Variants in RBM42 observed in about 807,000 individuals in gnomAD.
The protein encoded by RBM42 is RNA-binding protein 42.
RBM42 carries 21 observed loss-of-function variants against 41.4 expected under a neutral mutation model. The observed-to-expected ratio is 0.51, with a 90% CI of 0.36 to 0.73. The LOEUF is 0.73. Ranked by LOEUF, RBM42 falls within the 30% of genes least tolerant of loss-of-function variation. The pLI is 0.00. For synonymous variants in RBM42, 272 were observed against 271.2 expected, an observed-to-expected ratio of 1.00 and a Z score of -0.03; for missense variants, 539 against 680.4, an observed-to-expected ratio of 0.79 and a Z score of 2.31.
At position 35,629,152 on chromosome 19, in the gene RBM42, C is replaced by G. The variant is rs535749373; in HGVS notation, c.-2C>G. 2 of 1,521,644 alleles carry G rather than the reference C, an allele frequency of 1.3e-6. No homozygotes were observed. Among genetic ancestry groups the G allele is most frequent in the East Asian group, 5.0e-5 (2 of 40,300 alleles). The allele number at this position is 1,521,644 out of a possible 1,614,324, so 94.3% of individuals were successfully genotyped here. ...GTAGCGGCGACAGCGACGACGGCAG[C>G]GATGGCTGGGGCGGGGCCAGCCCCG... is the stretch of plus-strand genomic sequence containing the variant. On this transcript the variant is annotated 5_prime_UTR_variant, in exon 1 of 10. Coordinates refer to ENST00000262633, the MANE Select transcript of RBM42 (RefSeq NM_024321.5).
Position 35,637,504 on chromosome 19 carries a change from G to A in RBM42, c.1393G>A (p.Asp465Asn). Residue 465 changes from aspartate (D) to asparagine (N), a missense_variant, in exon 10 of 10, where the codon GAC becomes AAC. Transcript: ENST00000262633. The surrounding 1 kb of genome is among the most constrained non-coding windows in gnomAD (Gnocchi z 7.0). ...RKSMWKDRNLDVVRKKQKEKK... is the reference protein window; with the variant it reads ...RKSMWKDRNLNVVRKKQKEKK... ...GAGCATGTGGAAGGACCGGAATCTG[G>A]ACGTGGTCCGCAAGAAGCAGAAGGA... 6.2e-7 allele frequency: 1 copy of A among 1,614,268 alleles called. No homozygotes were observed. The highest frequency in any genetic ancestry group is 8.5e-7 in the Non-Finnish European group (1 of 1,180,054).
intron 8 of RBM42, among the ~76,000 whole-genome samples, 184 bp from the exon 9 acceptor site, chr19:35,636,974 A>C (rs4805133): frequency 1.3e-5 from 2 of 151,972 alleles, no homozygotes; most frequent in Admixed American, 1.3e-4. Context: ...GGAGTGCCAG[A>C]AATGGAAACA....
chr19:35,637,549 AGAT>A lies in RBM42; in HGVS notation c.1439_1441del (p.Arg480_Ter481delinsLys). The A allele has an allele frequency of 1.9e-6, 3 of 1,614,004 alleles. No homozygotes were observed. The highest frequency in any genetic ancestry group is 2.5e-6 in the Non-Finnish European group (3 of 1,179,898). ...GAAGGAAAAGAAGAAGCTGGGCCTG[AGAT>A]AGGGTCTGTGGCCAGGCACCCGCTC... On this transcript the variant is annotated stop_lost and inframe_deletion, in exon 10 of 10. Transcript: ENST00000262633. This position sits in a 1 kb window ranked among gnomAD's most constrained non-coding sequence, Gnocchi z 7.0.
intron 2 of RBM42, 138 bp from the exon 3 acceptor site, chr19:35,631,002 T>G: frequency 1.4e-5 from 10 of 709,986 alleles, no homozygotes; most frequent in South Asian, 3.5e-5. Flanking sequence ...CCCCGAGAAG[T>G]GGCATTTTAG....
At chr19:35,634,656 AT>A (rs74276917) in intron 8 of RBM42, among the ~76,000 whole-genome samples, 3,543 of 139,702 alleles carry the variant, frequency 0.025, 43 homozygotes, top group South Asian at 0.045. Context: ...TAGGATAAAA[AT>A]TTTTTTTTTT....
chr19:35,631,436 A>T, intron 4 of RBM42, 31 bp downstream of exon 4: 1 of 1,601,524 alleles, frequency 6.2e-7, no homozygotes, highest in Non-Finnish European at 8.6e-7. Flanking sequence ...CCCCACATTT[A>T]ATCAGGCACT....
Position 35,631,238 on chromosome 19 carries a change from A to G in RBM42, c.367+14A>G. ...TTGTAGGCCCTGGTAAGTAAAGAGTAGCAAGGTGAGGGGGTTGGGCAATCA... is the reference window on the plus strand; with the variant it reads ...TTGTAGGCCCTGGTAAGTAAAGAGTGGCAAGGTGAGGGGGTTGGGCAATCA... On this transcript the variant is annotated intron_variant, in intron 3 of 9. Transcript: ENST00000262633. 6.2e-7 allele frequency: 1 copy of G among 1,613,698 alleles called. No homozygotes were observed. The highest frequency in any genetic ancestry group is 8.5e-7 in the Non-Finnish European group (1 of 1,179,664).
intron 2 of RBM42, among the ~76,000 whole-genome samples, chr19:35,630,024 A>G (rs894506309): frequency 1.3e-5 from 2 of 152,238 alleles, no homozygotes; most frequent in African/African-American, 4.8e-5. Context: ...TAAGATGAAA[A>G]TAGGCTGGGC....
chr19:35,633,113 C>T lies in RBM42; in HGVS notation c.545C>T (p.Pro182Leu). 6.2e-7 allele frequency: 1 copy of T among 1,610,904 alleles called. No homozygotes were observed. The highest frequency in any genetic ancestry group is 8.5e-7 in the Non-Finnish European group (1 of 1,177,096). ...TCCTCTGCAGCAGCCGGCCCCCGCC[C>T]TATGGCCCTACGGCCCCCTCACCAG... ...ALSSAAAGPR[P>L]MALRPPHQAL... is the part of the protein sequence containing the mutation. Residue 182 changes from proline to leucine, a missense_variant, in exon 6 of 10, where the codon CCT becomes CTT. Around this residue, in one of 2 missense-constraint regions of RBM42, gnomAD observed 429 missense variants for 488.9 expected, o/e 0.88. Transcript: ENST00000262633.
At chr19:35,634,651 T>A (rs887254656) in intron 8 of RBM42, among the ~76,000 whole-genome samples, 1 of 150,450 alleles carries the variant, frequency 6.6e-6, no homozygotes, top group Non-Finnish European at 1.5e-5. Context: ...ACTCTTAGGA[T>A]AAAAATTTTT....
At chr19:35,632,065 AG>A (rs1204178175) in intron 4 of RBM42, among the ~76,000 whole-genome samples, 1 of 152,198 alleles carries the variant, frequency 6.6e-6, no homozygotes, top group Non-Finnish European at 1.5e-5. Flanking sequence ...ATGTATGAAA[AG>A]GATGCGTGTT....
chr19:35,633,199 G>T lies in RBM42; in HGVS notation c.631G>T (p.Ala211Ser), dbSNP rs1352773997. 6.2e-7 allele frequency: 1 copy of T among 1,611,966 alleles called. No individual in the cohort carries two copies. The highest frequency in any genetic ancestry group is 1.7e-5 in the Admixed American group (1 of 59,744). The part of the protein sequence containing the change: ...PGPPMMLPPM[A>S]RAPGPPLGSM... ...ACCACCCATGATGCTGCCACCAATG[G>T]CTCGGGCTCCAGGGCCCCCGCTGGG... Residue 211 changes from alanine (A) to serine (S), a missense_variant, in exon 6 of 10, where the codon GCT (alanine) becomes TCT (serine). By Grantham distance (99) the Ala-to-Ser change is moderately conservative. Transcript: ENST00000262633.
At chr19:35,634,976 G>A (rs957505798) in intron 8 of RBM42, among the ~76,000 whole-genome samples, 4 of 151,974 alleles carry the variant, frequency 2.6e-5, no homozygotes, top group Admixed American at 6.6e-5. Flanking sequence ...CAAGTTATAA[G>A]TGAATTAATC....
rs1177489624 is a variant in RBM42, at chr19:35,631,159, C to A, written c.302C>A (p.Ala101Asp). 6.2e-7 allele frequency: 1 copy of A among 1,614,146 alleles called. No homozygotes were observed. Among genetic ancestry groups the A allele is most frequent in the Admixed American group, 1.7e-5 (1 of 60,022 alleles). The change falls in exon 3 of 10, where the codon GCC becomes GAC. Residue 101 changes from alanine to aspartate, a missense_variant. Coordinates refer to ENST00000262633, the MANE Select transcript of RBM42 (RefSeq NM_024321.5). ...CGACAGGTCCAGCAGACTCTGGAGG[C>A]CCGAGCAGCTGCTGCAGCCACAGTA... ...TYQQVQQTLE[A>D]RAAAAATVVP...
chr19:35,636,591 C>T (rs1318262893), intron 8 of RBM42, among the ~76,000 whole-genome samples: 1 of 152,206 alleles, frequency 6.6e-6, no homozygotes, highest in African/African-American at 2.4e-5. Flanking sequence ...TGGGTGCAGC[C>T]ATGGCGGAGG....
chr19:35,631,512 C>A, intron 4 of RBM42, 107 bp downstream of exon 4: 3 of 1,035,606 alleles, frequency 2.9e-6, no homozygotes, highest in Non-Finnish European at 4.3e-6. Context: ...CCTTTGATCC[C>A]AACTTGATGT....
rs1210815025 is a variant in RBM42, at chr19:35,631,123, G to T, written c.283-17G>T. 6.2e-7 allele frequency: 1 copy of T among 1,612,800 alleles called. No homozygotes were observed. Among genetic ancestry groups the T allele is most frequent in the Admixed American group, 1.7e-5 (1 of 60,016 alleles). ...AATGCTGAGTCAGGCCCCTCACCCTGACCTCTTCCTCGACAGGTCCAGCAG... is the reference window on the plus strand; with the variant it reads ...AATGCTGAGTCAGGCCCCTCACCCTTACCTCTTCCTCGACAGGTCCAGCAG... On this transcript the variant is annotated splice_polypyrimidine_tract_variant and intron_variant, in intron 2 of 9. Transcript: ENST00000262633.
chr19:35,631,918 C>T (rs1967413329), intron 4 of RBM42: 1 of 157,500 alleles, frequency 6.3e-6, no homozygotes, highest in African/African-American at 2.4e-5. Flanking sequence ...GTTAAGGTCC[C>T]TTCTCTCCCT....
rs560825510 is a variant in RBM42 at position 35,632,109 on chromosome 19, G to A, written c.442+704G>A. On this transcript the variant is annotated intron_variant, in intron 4 of 9. Coordinates refer to ENST00000262633, the MANE Select transcript of RBM42 (RefSeq NM_024321.5). ...GGATGTAAAATTCTGGTATAATCTC[G>A]GTTAAACCAAACGTGCTACTTATGT... 2.2e-3 allele frequency among the ~76,000 whole-genome samples: 338 copies of A among 152,174 alleles called. 3 individuals carry two copies. Among genetic ancestry groups the A allele is most frequent in the Non-Finnish European group, 1.7e-3 (118 of 68,020 alleles).
Sources: gnomAD v4.1 joint callset for allele counts (sites outside exome capture counted in the v4.1 genomes callset) on GRCh38, gnomAD v4.1.1 for gene constraint, gnomAD v4.1.1 regional missense constraint, Gnocchi (gnomAD v3.1) non-coding constraint, MANE v1.5 for transcripts, NCBI Gene and HGNC (gene_info 2026-07-23, HGNC 2026-07-21) for gene names.